ISY1: variants seen among roughly 807,000 people sequenced by gnomAD.
The protein encoded by ISY1 is pre-mRNA-splicing factor ISY1 homolog.
ISY1 carries 12 observed loss-of-function variants against 54.4 expected under a neutral mutation model. The observed-to-expected ratio is 0.22, with a 90% CI of 0.14 to 0.36. The LOEUF is 0.36. ISY1 is among the 10% of genes least tolerant of loss of function. The pLI is 1.00. For synonymous variants in ISY1, 96 were observed against 117.9 expected (o/e 0.81, Z 1.20); for missense variants, 282 against 342.2 (o/e 0.82, Z 1.39).
intron 6 of ISY1, among the ~76,000 whole-genome samples, chr3:129,141,160 G>A (rs1275023709): frequency 1.3e-5 from 2 of 150,744 alleles, no homozygotes; most frequent in Admixed American, 6.6e-5. Flanking sequence ...AGCCAAGATC[G>A]TGCCACTGTA....
At chr3:129,158,102 AC>A (rs1417949168) in intron 3 of ISY1, among the ~76,000 whole-genome samples, 1 of 140,562 alleles carries the variant, frequency 7.1e-6, no homozygotes, top group Non-Finnish European at 1.5e-5. Flanking sequence ...CAAGTGATCC[AC>A]CCCCCTCAGC....
intron 5 of ISY1, among the ~76,000 whole-genome samples, chr3:129,150,835 T>C (rs1476865230): frequency 1.3e-5 from 2 of 152,028 alleles, no homozygotes; most frequent in Admixed American, 1.3e-4. Flanking sequence ...AAAAATATAA[T>C]TTTGAAGCTG....
At chr3:129,139,636 C>T (rs867062097) in intron 7 of ISY1, among the ~76,000 whole-genome samples, 147 of 151,952 alleles carry the variant, frequency 9.7e-4, no homozygotes, top group African/African-American at 3.4e-3. Flanking sequence ...AAAAGTAGCT[C>T]CACTTTTCTC....
At chr3:129,136,215 C>T (rs1017030895) in intron 7 of ISY1, among the ~76,000 whole-genome samples, 1 of 151,694 alleles carries the variant, frequency 6.6e-6, no homozygotes, top group Non-Finnish European at 1.5e-5. Context: ...GATTCTCCTG[C>T]CTCAGCCTCC....
chr3:129,158,484 T>C, intron 3 of ISY1, 24 bp downstream of exon 3: 3 of 1,613,070 alleles, frequency 1.9e-6, no homozygotes, highest in South Asian at 1.1e-5. Context: ...TACTTTACAA[T>C]TCATGAGGAA....
chr3:129,158,790 C>A (rs1329221919), intron 2 of ISY1, among the ~76,000 whole-genome samples: 1 of 152,152 alleles, frequency 6.6e-6, no homozygotes, highest in Non-Finnish European at 1.5e-5. Context: ...TTTACTTACA[C>A]TACACATAAG....
chr3:129,145,894 C>T (rs758554314), intron 5 of ISY1, 21 bp from the exon 6 acceptor site: 45 of 1,611,842 alleles, frequency 2.8e-5, no homozygotes, highest in Non-Finnish European at 3.7e-5. Flanking sequence ...AAAAGGTTAA[C>T]AATATCATTC....
chr3:129,150,121 A>T (rs1175456482), intron 5 of ISY1, among the ~76,000 whole-genome samples: 1 of 152,086 alleles, frequency 6.6e-6, no homozygotes, highest in Non-Finnish European at 1.5e-5. Context: ...TTACATCTTG[A>T]AATCAGGTGG....
At chr3:129,160,831 G>C (rs1937286310) in intron 1 of ISY1, 142 bp downstream of exon 1, 1 of 1,070,962 alleles carries the variant, frequency 9.3e-7, no homozygotes, top group Non-Finnish European at 1.4e-6. Flanking sequence ...GGCAGGAAGA[G>C]AATCCCCTCG....
Position 129,157,017 on chromosome 3 carries a change from G to A in ISY1, c.79-97C>T. On this transcript the variant is annotated intron_variant, in intron 3 of 10. Coordinates refer to ENST00000393295, the MANE Select transcript of ISY1 (RefSeq NM_020701.4). ...GGCCTTAAGCCTAAATCATCTAATG[G>A]CCTAAAAACATTTGAAGTTTTCATT... The A allele has an allele frequency of 5.9e-6, 8 of 1,346,076 alleles. No homozygotes were observed. In the South Asian group the frequency reaches 9.1e-5, roughly 15 times the overall value. 83.4% of individuals were successfully genotyped at this position (1,346,076 alleles called of 1,614,324 possible).
intron 5 of ISY1, among the ~76,000 whole-genome samples, chr3:129,155,913 GT>G (rs1937121200): frequency 6.6e-6 from 1 of 151,866 alleles, no homozygotes. Flanking sequence ...TAGAGGTGGG[GT>G]TTCTCCATGT....
At chr3:129,151,827 C>T (rs531057192) in intron 5 of ISY1, among the ~76,000 whole-genome samples, 21 of 152,148 alleles carry the variant, frequency 1.4e-4, no homozygotes, top group African/African-American at 4.8e-4. Flanking sequence ...TTCAATCCTT[C>T]ACCATTAAAT....
intron 8 of ISY1, 152 bp downstream of exon 8, chr3:129,134,680 G>A: frequency 8.9e-7 from 1 of 1,128,884 alleles, no homozygotes. Context: ...GCCTCACAGG[G>A]GTCAGGGAAT....
At chr3:129,130,798 G>T in intron 9 of ISY1, 162 bp from the exon 10 acceptor site, 1 of 707,528 alleles carries the variant, frequency 1.4e-6, no homozygotes, top group Non-Finnish European at 2.2e-6. Flanking sequence ...AGTAAAAAAA[G>T]CCATAGAACA....
rs114676228 is a variant in ISY1 at position 129,159,573 on chromosome 3, T to G, written c.4-397A>C. Among the ~76,000 whole-genome samples the G allele has an allele frequency of 1.7e-3, 258 of 152,324 alleles. 2 individuals carry two copies. The highest frequency in any genetic ancestry group is 6.0e-3 in the African/African-American group (250 of 41,578). The stretch of plus-strand genomic sequence containing the variant: ...ACAATTGCCTGTTCCCTGCCAGTGG[T>G]ATTTGGGGAAAATAAGTCTGAAGAC... On this transcript the variant is annotated intron_variant, in intron 1 of 10. Transcript: ENST00000393295.
chr3:129,143,673 TATA>T (rs1276141500), intron 6 of ISY1, among the ~76,000 whole-genome samples: 1 of 151,214 alleles, frequency 6.6e-6, no homozygotes, highest in African/African-American at 2.4e-5. Flanking sequence ...TTTTATATCT[TATA>T]ATTTTTATAT....
At chr3:129,130,926 T>G (rs1259606096) in intron 9 of ISY1, among the ~76,000 whole-genome samples, 2 of 152,236 alleles carry the variant, frequency 1.3e-5, no homozygotes, top group Non-Finnish European at 2.9e-5. Context: ...GTGGAATATC[T>G]TTATATTCTT....
intron 7 of ISY1, among the ~76,000 whole-genome samples, chr3:129,137,863 C>A (rs535978670): frequency 7.2e-6 from 1 of 139,784 alleles, no homozygotes; most frequent in African/African-American, 2.7e-5. Context: ...AGCAGTGTGC[C>A]GAGATCGCAT....
intron 10 of ISY1, 22 bp downstream of exon 10, chr3:129,130,528 C>G (rs1022503438): frequency 1.2e-6 from 2 of 1,611,682 alleles, no homozygotes; most frequent in Non-Finnish European, 1.7e-6. Context: ...GGCGCCCAGG[C>G]AGCTCTTAGC....
Sources: allele counts gnomAD v4.1 joint callset (sites outside exome capture counted in the v4.1 genomes callset), GRCh38; gene constraint gnomAD v4.1.1; transcripts MANE v1.5; gene names NCBI Gene and HGNC (gene_info 2026-07-23, HGNC 2026-07-21).